The following DPY19L3 variants were observed in gnomAD, a reference collection of about 807,000 sequenced individuals.
DPY19L3 encodes protein C-mannosyl-transferase DPY19L3.
In DPY19L3, 51 loss-of-function variants were observed where a neutral mutation model predicts 92.3. The ratio of observed to expected loss-of-function variants is 0.55; its 90% CI spans 0.44 to 0.70. The LOEUF (loss-of-function observed/expected upper bound fraction) is 0.70. DPY19L3 is among the 30% of genes least tolerant of loss of function. The probability of loss-of-function intolerance (pLI) is 0.00; values close to 1 mark genes in which losing one functional copy is unlikely to be tolerated. For synonymous variants in DPY19L3, 309 were observed against 315.2 expected, an observed-to-expected ratio of 0.98 and a Z score of 0.21; for missense variants, 706 against 855.9, an observed-to-expected ratio of 0.82 and a Z score of 2.18.
intron 16 of DPY19L3, among the ~76,000 whole-genome samples, chr19:32,470,608 TA>T (rs1434885240): frequency 6.6e-6 from 1 of 152,156 alleles, no homozygotes; most frequent in Non-Finnish European, 1.5e-5. Flanking sequence ...CACAGAAAAT[TA>T]AAATAACATT....
At chr19:32,472,883 T>C (rs945198166) in intron 16 of DPY19L3, among the ~76,000 whole-genome samples, 1 of 152,232 alleles carries the variant, frequency 6.6e-6, no homozygotes, top group African/African-American at 2.4e-5. Context: ...ATGGACCAAC[T>C]TTCTTTCACA....
chr19:32,463,720 A>G, intron 13 of DPY19L3, 149 bp from the exon 14 acceptor site: 1 of 878,696 alleles, frequency 1.1e-6, no homozygotes, highest in East Asian at 2.5e-5. Context: ...CAGTGGAGTT[A>G]AACAACGAAC....
chr19:32,457,076 T>G (rs1394644096), intron 10 of DPY19L3, among the ~76,000 whole-genome samples: 1 of 152,164 alleles, frequency 6.6e-6, no homozygotes, highest in African/African-American at 2.4e-5. Context: ...GTTCTTGCAT[T>G]GGCCCACTCT....
In DPY19L3 at chr19:32,432,409, A is replaced by AT. The variant is rs200114992; in HGVS notation, c.238-298dup. On this transcript the variant is annotated intron_variant, in intron 3 of 18. Coordinates refer to ENST00000392250, the MANE Select transcript of DPY19L3 (RefSeq NM_001172774.2). Reference sequence around the variant, plus strand: ...GTCTAATGCAATTATATTTCTTTTCATTTTTTTTTGTGCCATCCCTGTTTT... The same window carrying AT: ...GTCTAATGCAATTATATTTCTTTTCATTTTTTTTTTGTGCCATCCCTGTTTT... Among the ~76,000 whole-genome samples, 106 of 150,498 alleles carry AT rather than the reference A, an allele frequency of 7.0e-4. No individual in the cohort carries two copies. The East Asian group carries it at 9.9e-3, about 14-fold the overall frequency.
rs544813045 is a variant in DPY19L3 at position 32,485,369 on chromosome 19, C to T, written c.*3129C>T. The T allele has an allele frequency of 2.0e-5, 3 of 151,866 alleles. No individual in the cohort carries two copies. The highest frequency in any genetic ancestry group is 4.4e-5 in the Non-Finnish European group (3 of 68,006). 9.4% of individuals were successfully genotyped at this position (151,866 alleles called of 1,614,324 possible). ...TCCTGTTAATGATGATTTTCCCGAC[C>T]CTTGTGAGATCAGCGTGACAGGAGT... On this transcript the variant is annotated 3_prime_UTR_variant, in exon 19 of 19. Coordinates refer to ENST00000392250, the MANE Select transcript of DPY19L3 (RefSeq NM_001172774.2).
chr19:32,428,856 T>G (rs1968863252), intron 3 of DPY19L3, among the ~76,000 whole-genome samples: 1 of 151,902 alleles, frequency 6.6e-6, no homozygotes, highest in Non-Finnish European at 1.5e-5. Context: ...TGTTGTTGTT[T>G]GTTTGTTTTG....
At chr19:32,445,736 C>T (rs1167097033) in intron 8 of DPY19L3, among the ~76,000 whole-genome samples, 1 of 152,136 alleles carries the variant, frequency 6.6e-6, no homozygotes, top group Non-Finnish European at 1.5e-5. Context: ...CGTCGTGGCT[C>T]ACACCTGTAA....
chr19:32,468,973 A>C, intron 16 of DPY19L3, 160 bp downstream of exon 16: 1 of 578,804 alleles, frequency 1.7e-6, no homozygotes, highest in Non-Finnish European at 2.7e-6. Flanking sequence ...TTTGAAAATA[A>C]TGTCTTTCTA....
At chr19:32,456,117 C>T (rs1716330754) in intron 10 of DPY19L3, among the ~76,000 whole-genome samples, 1 of 138,554 alleles carries the variant, frequency 7.2e-6, no homozygotes, top group Admixed American at 7.5e-5. Context: ...GGTCTCTCAC[C>T]CAGACTGGAA....
intron 10 of DPY19L3, among the ~76,000 whole-genome samples, chr19:32,457,729 CTATT>C (rs1454709018): frequency 6.6e-6 from 1 of 152,160 alleles, no homozygotes; most frequent in African/African-American, 2.4e-5. Context: ...GGCGGTGTAT[CTATT>C]TGAGGTTTCA....
intron 8 of DPY19L3, among the ~76,000 whole-genome samples, chr19:32,441,494 C>CTTTTTT (rs11326098): frequency 5.4e-5 from 7 of 130,210 alleles, no homozygotes; most frequent in Non-Finnish European, 6.4e-5. Flanking sequence ...ACATGTGTCT[C>CTTTTTT]TTTTTTTTTT....
intron 16 of DPY19L3, among the ~76,000 whole-genome samples, chr19:32,476,827 C>A (rs906136284): frequency 6.6e-6 from 1 of 152,094 alleles, no homozygotes; most frequent in African/African-American, 2.4e-5. Flanking sequence ...ATTTGTGTAT[C>A]CCCCATATTA....
chr19:32,476,565 T>C (rs867048952), intron 16 of DPY19L3, among the ~76,000 whole-genome samples: 10 of 146,364 alleles, frequency 6.8e-5, no homozygotes, highest in South Asian at 2.2e-4. Flanking sequence ...AGGAATTAAA[T>C]CAGCTACTAA....
intron 17 of DPY19L3, among the ~76,000 whole-genome samples, chr19:32,478,793 T>C (rs1259158520): frequency 2.6e-5 from 4 of 152,254 alleles, no homozygotes; most frequent in Non-Finnish European, 5.9e-5. Context: ...ATTTAGCCAT[T>C]TCTGCTGTTT....
rs948375444 is a variant in DPY19L3 at position 32,483,757 on chromosome 19, C to A, written c.*1517C>A. On this transcript the variant is annotated 3_prime_UTR_variant, in exon 19 of 19. Coordinates refer to ENST00000392250, the MANE Select transcript of DPY19L3 (RefSeq NM_001172774.2). ...TGCAACTGAAACTCCTGAATTATATCTTTTCTGTATCCCTTAATAAGATTG... is the reference window on the plus strand; with the variant it reads ...TGCAACTGAAACTCCTGAATTATATATTTTCTGTATCCCTTAATAAGATTG... The A allele has an allele frequency of 6.6e-6, 1 of 152,280 alleles. No homozygotes were observed. The highest frequency in any genetic ancestry group is 1.5e-5 in the Non-Finnish European group (1 of 68,034). 9.4% of individuals were successfully genotyped at this position (152,280 alleles called of 1,614,324 possible). A position where few individuals can be genotyped will look rare whatever the true frequency, so the allele number is the denominator to read the frequency against.
chr19:32,471,074 TC>T (rs1466260628), intron 16 of DPY19L3, among the ~76,000 whole-genome samples: 2 of 152,158 alleles, frequency 1.3e-5, no homozygotes, highest in Non-Finnish European at 2.9e-5. Flanking sequence ...GCCTTAATAT[TC>T]TTTTAATCTG....
rs776706155 is a variant in DPY19L3 at position 32,477,574 on chromosome 19, G to A, written c.1750G>A (p.Gly584Arg). ...VFAGSMQLLA[G>R]VKLCTGRTLT... ...TGCGGGAAGCATGCAGTTGCTGGCC[G>A]GAGTCAAGCTGTGCACGGGAAGGAC... Residue 584 changes from glycine to arginine, a missense_variant, in exon 17 of 19, where the codon GGA becomes AGA. Transcript: ENST00000392250. 1.1e-5 allele frequency: 18 copies of A among 1,614,134 alleles called. No homozygotes were observed. Among genetic ancestry groups the A allele is most frequent in the Middle Eastern group, 1.6e-4 (1 of 6,062 alleles).
At chr19:32,433,846 A>C (rs1969048730) in intron 4 of DPY19L3, among the ~76,000 whole-genome samples, 1 of 152,234 alleles carries the variant, frequency 6.6e-6, no homozygotes, top group African/African-American at 2.4e-5. Flanking sequence ...TTCATCCATA[A>C]TAAGGGTAAT....
chr19:32,451,585 G>C (rs1039015946), intron 8 of DPY19L3, among the ~76,000 whole-genome samples: 1 of 152,140 alleles, frequency 6.6e-6, no homozygotes, highest in Non-Finnish European at 1.5e-5. Flanking sequence ...CGGATTTGCT[G>C]CTAAATAAAA....
Sources: gnomAD v4.1 joint callset for allele counts (sites outside exome capture counted in the v4.1 genomes callset) on GRCh38, gnomAD v4.1.1 for gene constraint, MANE v1.5 for transcripts, NCBI Gene and HGNC (gene_info 2026-07-23, HGNC 2026-07-21) for gene names.